The following ATP13A5 variants were observed in gnomAD, a reference collection of about 807,000 sequenced individuals.
The protein encoded by ATP13A5 is ATPase 13A5, also known as probable cation-transporting ATPase 13A5.
ATP13A5 carries 149 observed loss-of-function variants against 150.2 expected under a neutral mutation model. The observed-to-expected ratio is 0.99, with a 90% CI of 0.87 to 1.14. ATP13A5 has a LOEUF of 1.14. Ranked by LOEUF, ATP13A5 falls within the 50% of genes most tolerant of loss-of-function variation. The pLI is 0.00. For synonymous variants in ATP13A5, 497 were observed against 522.2 expected, an observed-to-expected ratio of 0.95 and a Z score of 0.66; for missense variants, 1,383 against 1,449.3, an observed-to-expected ratio of 0.95 and a Z score of 0.74.
intron 16 of ATP13A5, among the ~76,000 whole-genome samples, chr3:193,320,168 T>C (rs1719208202): frequency 6.6e-6 from 1 of 152,234 alleles, no homozygotes; most frequent in Non-Finnish European, 1.5e-5. Context: ...TATTCTCCCT[T>C]CCACTTCCAT....
intron 11 of ATP13A5, 74 bp from the exon 12 acceptor site, chr3:193,331,385 A>G: frequency 7.1e-7 from 1 of 1,400,356 alleles, no homozygotes; most frequent in South Asian, 1.4e-5. Flanking sequence ...TGCCAAAGGA[A>G]TGAGCACATT....
rs185338963 is a variant in ATP13A5 at position 193,340,166 on chromosome 3, C to T, written c.943+3761G>A. Among the ~76,000 whole-genome samples, 243 of 152,288 alleles carry T rather than the reference C, an allele frequency of 1.6e-3. 1 individual carries two copies. Among genetic ancestry groups the T allele is most frequent in the Admixed American group, 3.1e-3 (47 of 15,290 alleles). On this transcript the variant is annotated intron_variant, in intron 9 of 29. Transcript: ENST00000342358. ...GTACATTTGGCTCCCTGTGCTGTCA[C>T]GTGGAGGTTCTCTCCCTTGTCCACA...
chr3:193,354,324 G>C, intron 5 of ATP13A5, 128 bp from the exon 6 acceptor site: 1 of 789,656 alleles, frequency 1.3e-6, no homozygotes, highest in Non-Finnish European at 2.0e-6. Context: ...AAAATAATGT[G>C]CAAGTTCTTT....
At chr3:193,340,617 G>A (rs1439141322) in intron 9 of ATP13A5, among the ~76,000 whole-genome samples, 4 of 152,088 alleles carry the variant, frequency 2.6e-5, no homozygotes, top group Non-Finnish European at 5.9e-5. Flanking sequence ...AAGAGGGAAG[G>A]GGATTGCGGC....
At chr3:193,330,184 G>A (rs1040140059) in intron 12 of ATP13A5, among the ~76,000 whole-genome samples, 1 of 152,124 alleles carries the variant, frequency 6.6e-6, no homozygotes, top group Non-Finnish European at 1.5e-5. Context: ...CCTCAAAGGT[G>A]GCCTCCAACC....
At chr3:193,343,676 C>G (rs1446778188) in intron 9 of ATP13A5, among the ~76,000 whole-genome samples, 1 of 151,832 alleles carries the variant, frequency 6.6e-6, no homozygotes, top group Non-Finnish European at 1.5e-5. Flanking sequence ...ATTCACCCCA[C>G]TAATTGGTCA....
intron 27 of ATP13A5, 144 bp from the exon 28 acceptor site, chr3:193,279,598 A>G: frequency 3.1e-6 from 2 of 637,750 alleles, no homozygotes; most frequent in Non-Finnish European, 5.6e-6. Context: ...GTTTTGAAAT[A>G]TGTTCTAATG....
At chr3:193,367,641 A>G (rs1281929975) in intron 1 of ATP13A5, among the ~76,000 whole-genome samples, 1 of 152,140 alleles carries the variant, frequency 6.6e-6, no homozygotes, top group African/African-American at 2.4e-5. Flanking sequence ...CTACCAAATA[A>G]TGTTTGTCCT....
intron 28 of ATP13A5, 151 bp downstream of exon 28, chr3:193,279,215 C>A: frequency 1.7e-6 from 1 of 589,880 alleles, no homozygotes; most frequent in Non-Finnish European, 3.0e-6. Context: ...AGGTGAAATC[C>A]AGATATCTTA....
intron 27 of ATP13A5, among the ~76,000 whole-genome samples, chr3:193,284,452 G>A (rs1443890761): frequency 6.6e-6 from 1 of 152,088 alleles, no homozygotes; most frequent in Non-Finnish European, 1.5e-5. Flanking sequence ...TACATAAATT[G>A]TGCTAGGCCC....
chr3:193,355,622 C>T (rs1291097018), intron 5 of ATP13A5, among the ~76,000 whole-genome samples: 1 of 152,182 alleles, frequency 6.6e-6, no homozygotes, highest in Non-Finnish European at 1.5e-5. Flanking sequence ...GGTCTTCTGA[C>T]TCCATGCCAT....
At chr3:193,302,014 G>C (rs889303609) in intron 23 of ATP13A5, among the ~76,000 whole-genome samples, 1 of 152,172 alleles carries the variant, frequency 6.6e-6, no homozygotes, top group African/African-American at 2.4e-5. Flanking sequence ...GATTATGACA[G>C]GTTAGAAGAA....
Position 193,286,595 on chromosome 3 carries a change from T to A in ATP13A5, c.3024-1479A>T, listed in dbSNP as rs114648303. Among the ~76,000 whole-genome samples, 481 of 152,332 alleles carry A rather than the reference T, an allele frequency of 3.2e-3. 3 individuals carry two copies. The highest frequency in any genetic ancestry group is 0.011 in the African/African-American group (450 of 41,590). On this transcript the variant is annotated intron_variant, in intron 26 of 29. Transcript: ENST00000342358. ...GCCACGAACTGTGCTTTTATAAGAA[T>A]GCAAATTTAATCGATAAATATTGTC... is the stretch of plus-strand genomic sequence containing the variant.
chr3:193,308,685 C>T (rs1023584793), intron 21 of ATP13A5, among the ~76,000 whole-genome samples: 10 of 152,094 alleles, frequency 6.6e-5, no homozygotes, highest in Non-Finnish European at 1.0e-4. Flanking sequence ...TGCAGACAGC[C>T]TTATGCACAT....
chr3:193,374,154 C>A (rs11708812), intron 1 of ATP13A5, among the ~76,000 whole-genome samples: 21,937 of 151,928 alleles, frequency 0.14, 1,773 homozygotes, highest in Non-Finnish European at 0.16. Flanking sequence ...TGAGAAGAGC[C>A]GTCATGATTA....
intron 22 of ATP13A5, 166 bp downstream of exon 22, chr3:193,307,161 A>T (rs552760883): frequency 1.4e-6 from 2 of 1,464,542 alleles, no homozygotes; most frequent in East Asian, 5.0e-5. Context: ...ATCTCCCTTT[A>T]CTCCCCTCCG....
intron 9 of ATP13A5, among the ~76,000 whole-genome samples, chr3:193,340,474 C>T (rs748851712): frequency 6.6e-6 from 1 of 152,222 alleles, no homozygotes; most frequent in Non-Finnish European, 1.5e-5. Flanking sequence ...GACCTATCAA[C>T]TGATGATAAG....
chr3:193,333,696 G>T, intron 11 of ATP13A5, 54 bp downstream of exon 11: 1 of 1,538,752 alleles, frequency 6.5e-7, no homozygotes. Flanking sequence ...TCTGAGTTAG[G>T]TCAAGCTCTT....
intron 18 of ATP13A5, chr3:193,314,429 A>C: frequency 2.1e-6 from 1 of 468,640 alleles, no homozygotes; most frequent in Middle Eastern, 5.6e-4. Flanking sequence ...ACATGTGTGA[A>C]TTAATAAAGA....
Sources: allele counts gnomAD v4.1 joint callset (sites outside exome capture counted in the v4.1 genomes callset), GRCh38; gene constraint gnomAD v4.1.1; transcripts MANE v1.5; gene names NCBI Gene and HGNC (gene_info 2026-07-23, HGNC 2026-07-21).